The following ADA2 variants were observed in gnomAD, a reference collection of about 807,000 sequenced individuals.
ADA2 encodes the protein adenosine deaminase CECR1.
In ADA2, 29 loss-of-function variants were observed where a neutral mutation model predicts 44.2. The ratio of observed to expected loss-of-function variants is 0.66; its 90% CI spans 0.49 to 0.89. The LOEUF (loss-of-function observed/expected upper bound fraction) is 0.89. Among genes scored for constraint, ADA2 ranks in the 40% least tolerant of loss-of-function variants. The pLI is 0.00. For missense variants in ADA2, 637 were observed against 644.8 expected (o/e 0.99, Z 0.13); for synonymous variants, 215 against 234.9 (o/e 0.92, Z 0.77).
At chr22:17,220,382 A>G (rs1487895448), upstream of ADA2, among the ~76,000 whole-genome samples, 2 of 152,098 alleles carry the variant, frequency 1.3e-5, no homozygotes. Context: ...TTAGCACTGT[A>G]GCAGTGGGGC....
chr22:17,181,417 G>T lies in ADA2; in HGVS notation c.*66C>A. ...TCATGGGCACATGGAGCTGATTCAA[G>T]AACGAGTGAGAGGAAGTGACAGCGT... On this transcript the variant is annotated 3_prime_UTR_variant, in exon 10 of 10. Coordinates refer to ENST00000399837, the MANE Select transcript of ADA2 (RefSeq NM_001282225.2). 1 of 1,074,172 alleles carries T rather than the reference G, an allele frequency of 9.3e-7. No individual in the cohort carries two copies. The highest frequency in any genetic ancestry group is 1.5e-5 in the African/African-American group (1 of 64,636). 66.5% of individuals were successfully genotyped at this position (1,074,172 alleles called of 1,614,324 possible).
In ADA2 at chr22:17,181,853, C is replaced by T; in HGVS notation, c.1409G>A (p.Arg470Lys). 3 of 1,613,982 alleles carry T rather than the reference C, an allele frequency of 1.9e-6. No homozygotes were observed. Among genetic ancestry groups the T allele is most frequent in the South Asian group, 1.1e-5 (1 of 91,072 alleles). ...MGIGGMKADL[R>K]TLKQLAMNSI... ...GTTCATGGCCAGCTGTTTGAGGGTC[C>T]TCAGGTCAGCCTTCATCCCCCCAAT... Residue 470 changes from arginine (R) to lysine (K), a missense_variant, in exon 9 of 10, where the codon AGG becomes AAG. Arg to Lys is a conservative substitution (Grantham distance 26). Coordinates refer to ENST00000399837, the MANE Select transcript of ADA2 (RefSeq NM_001282225.2).
At position 17,181,955 on chromosome 22, in the gene ADA2, A is replaced by G. The variant is rs775742013; in HGVS notation, c.1307T>C (p.Met436Thr). 2.5e-6 allele frequency: 4 copies of G among 1,614,154 alleles called. No individual in the cohort carries two copies. The highest frequency in any genetic ancestry group is 3.4e-6 in the Non-Finnish European group (4 of 1,180,014). Reference protein sequence around the residue: ...VATLMATGHPMVISSDDPAMF... With the variant: ...VATLMATGHPTVISSDDPAMF... ...AGCTGGGTCATCAGAGCTGATCACCATGGGGTGCCCAGTGGCCATCAGAGT... is the reference window on the plus strand; with the variant it reads ...AGCTGGGTCATCAGAGCTGATCACCGTGGGGTGCCCAGTGGCCATCAGAGT... Residue 436 changes from methionine (M) to threonine (T), a missense_variant, in exon 9 of 10, where the codon ATG becomes ACG. Coordinates refer to ENST00000399837, the MANE Select transcript of ADA2 (RefSeq NM_001282225.2).
intron 1 of ADA2, among the ~76,000 whole-genome samples, chr22:17,218,955 A>C (rs1254365910): frequency 6.6e-6 from 1 of 152,178 alleles, no homozygotes; most frequent in Non-Finnish European, 1.5e-5. Flanking sequence ...TCAGTCGTTC[A>C]AGACCAGCCT....
Position 17,199,786 on chromosome 22 carries a change from T to C in ADA2, c.753+3777A>G. On this transcript the variant is annotated intron_variant, in intron 4 of 9. Transcript: ENST00000399837. ...TTCCAGGCTTTAGTTTCGACATCAATAAGATGAATTAATAGCTGGGCATGG... is the reference window on the plus strand; with the variant it reads ...TTCCAGGCTTTAGTTTCGACATCAACAAGATGAATTAATAGCTGGGCATGG... 3.5e-6 allele frequency: 5 copies of C among 1,416,872 alleles called. No individual in the cohort carries two copies. The South Asian group carries it at 7.5e-5, about 21-fold the overall frequency. 87.8% of individuals were successfully genotyped at this position (1,416,872 alleles called of 1,614,324 possible).
chr22:17,199,853 T>C, intron 4 of ADA2: 1 of 924,638 alleles, frequency 1.1e-6, no homozygotes, highest in Non-Finnish European at 1.5e-6. Flanking sequence ...CCGACGTGGG[T>C]GTATTTGCCT....
intron 4 of ADA2, among the ~76,000 whole-genome samples, chr22:17,202,096 C>T (rs368623341): frequency 1.3e-5 from 2 of 151,000 alleles, no homozygotes; most frequent in Non-Finnish European, 2.9e-5. Flanking sequence ...CTCAGCCTCC[C>T]GAGTAGCTGA....
chr22:17,199,376 T>A lies in ADA2; in HGVS notation c.753+4187A>T, dbSNP rs577737169. Among the ~76,000 whole-genome samples the A allele has an allele frequency of 8.2e-3, 780 of 94,998 alleles. 6 individuals are homozygous for A. The highest frequency in any genetic ancestry group is 0.031 in the Middle Eastern group (4 of 130). 62.3% of individuals were successfully genotyped at this position (94,998 alleles called of 152,430 possible). A position where few individuals can be genotyped will look rare whatever the true frequency, so the allele number is the denominator to read the frequency against. ...CGCTCAGCAACTTCTCCCACATGCCTCCCCACCAGGCTCAAGATGAAAGCC... is the reference window on the plus strand; with the variant it reads ...CGCTCAGCAACTTCTCCCACATGCCACCCCACCAGGCTCAAGATGAAAGCC... On this transcript the variant is annotated intron_variant, in intron 4 of 9. Transcript: ENST00000399837.
intron 2 of ADA2, among the ~76,000 whole-genome samples, chr22:17,208,389 A>C (rs1316687332): frequency 6.8e-6 from 1 of 147,110 alleles, no homozygotes; most frequent in African/African-American, 2.5e-5. Flanking sequence ...ACGCCACCGC[A>C]CTCCAGCCTG....
chr22:17,210,726 T>A (rs550622004), intron 1 of ADA2, among the ~76,000 whole-genome samples: 1 of 151,972 alleles, frequency 6.6e-6, no homozygotes, highest in Non-Finnish European at 1.5e-5. Context: ...GCCTCCCAAG[T>A]GGCTGGGACT....
intron 4 of ADA2, among the ~76,000 whole-genome samples, chr22:17,197,007 T>C (rs1368769351): frequency 3.3e-5 from 5 of 152,060 alleles, no homozygotes; most frequent in Non-Finnish European, 1.5e-5. Context: ...ACCCCGTCTC[T>C]ACTAAAAATA....
intron 1 of ADA2, 31 bp from the exon 2 acceptor site, chr22:17,209,754 A>G: frequency 8.5e-7 from 1 of 1,179,100 alleles, no homozygotes; most frequent in Non-Finnish European, 1.2e-6. Flanking sequence ...GTGAAAACCT[A>G]CAGATTTAAG....
chr22:17,218,910 C>T (rs1290058391), intron 1 of ADA2, among the ~76,000 whole-genome samples: 1 of 152,124 alleles, frequency 6.6e-6, no homozygotes, highest in Non-Finnish European at 1.5e-5. Context: ...TGATCCCAGC[C>T]CTTTGGAAGG....
At chr22:17,212,946 C>A (rs1297433577) in intron 1 of ADA2, among the ~76,000 whole-genome samples, 7 of 131,576 alleles carry the variant, frequency 5.3e-5, no homozygotes, top group African/African-American at 2.1e-4. Context: ...AGTACCACTA[C>A]ACTCAGCTAA....
intron 1 of ADA2, among the ~76,000 whole-genome samples, chr22:17,213,208 T>C (rs1014623360): frequency 2.0e-5 from 3 of 152,066 alleles, no homozygotes; most frequent in Non-Finnish European, 4.4e-5. Context: ...GGTGAGGATG[T>C]AGAGAAAAGG....
intron 1 of ADA2, chr22:17,214,039 C>CAA (rs35502604): frequency 0.021 from 5,898 of 284,096 alleles, 12 homozygotes; most frequent in East Asian, 0.032. Context: ...AACTCTGTCT[C>CAA]AAAAAAAAAA....
At chr22:17,210,554 C>G (rs901117706) in intron 1 of ADA2, among the ~76,000 whole-genome samples, 5 of 151,954 alleles carry the variant, frequency 3.3e-5, no homozygotes, top group African/African-American at 1.2e-4. Flanking sequence ...AAAGACACTG[C>G]AATCTGATTT....
intron 4 of ADA2, among the ~76,000 whole-genome samples, chr22:17,197,935 G>C (rs554548646): frequency 6.6e-6 from 1 of 152,218 alleles, no homozygotes; most frequent in Non-Finnish European, 1.5e-5. Context: ...CTACTCGGGA[G>C]GCTGAGGCAG....
At chr22:17,203,850 C>T in intron 3 of ADA2, 77 bp from the exon 4 acceptor site, 2 of 894,874 alleles carry the variant, frequency 2.2e-6, no homozygotes, top group Non-Finnish European at 3.6e-6. Flanking sequence ...GGACTGCTAC[C>T]CACCTTGCAT....
Sources: allele counts gnomAD v4.1 joint callset (sites outside exome capture counted in the v4.1 genomes callset), GRCh38; gene constraint gnomAD v4.1.1; transcripts MANE v1.5; gene names NCBI Gene and HGNC (gene_info 2026-07-23, HGNC 2026-07-21).